The following ADGRE3 variants were observed in gnomAD, a reference collection of about 807,000 sequenced individuals.
ADGRE3 encodes adhesion G protein-coupled receptor E3.
A neutral mutation model predicts 80.1 loss-of-function variants in ADGRE3; 88 were observed. The observed-to-expected ratio is 1.10, with a 90% CI of 0.93 to 1.31. ADGRE3 has a LOEUF of 1.31. Among genes scored for constraint, ADGRE3 ranks in the 40% most tolerant of loss-of-function variants. The probability of loss-of-function intolerance (pLI) is 0.00; values close to 1 mark genes in which losing one functional copy is unlikely to be tolerated. For synonymous variants in ADGRE3, 281 were observed against 294.8 expected (o/e 0.95, Z 0.48); for missense variants, 715 against 776.5 (o/e 0.92, Z 0.94).
At chr19:14,633,540 A>C (rs183261689) in intron 11 of ADGRE3, among the ~76,000 whole-genome samples, 69 of 151,854 alleles carry the variant, frequency 4.5e-4, no homozygotes, top group African/African-American at 1.6e-3. Flanking sequence ...CCCCATCTCT[A>C]CTAAAAATAT....
At chr19:14,612,165 C>T in the ADGRE3 span, among the ~76,000 whole-genome samples, 4 of 152,136 alleles carry the variant, frequency 2.6e-5, no homozygotes, top group African/African-American at 4.8e-5. Flanking sequence ...GACTGGGTGG[C>T]TTCAGCAACA....
rs141701973 is a variant in ADGRE3 at position 14,639,490 on chromosome 19, G to A, written c.1249-1150C>T. ...TGCAATCATAGCTCACTGCAGCCTC[G>A]AACTCCTGGGTTCAAGCAATCTTCC... On this transcript the variant is annotated intron_variant, in intron 10 of 15. Coordinates refer to ENST00000253673, the MANE Select transcript of ADGRE3 (RefSeq NM_032571.5). Among the ~76,000 whole-genome samples, 1,456 of 151,744 alleles carry A rather than the reference G, an allele frequency of 9.6e-3. 20 individuals are homozygous for A. Among genetic ancestry groups the A allele is most frequent in the African/African-American group, 0.029 (1,205 of 41,372 alleles).
downstream of ADGRE3, among the ~76,000 whole-genome samples, chr19:14,614,679 C>G (rs2075065386): frequency 6.6e-6 from 1 of 150,690 alleles, no homozygotes; most frequent in South Asian, 2.1e-4. Flanking sequence ...TGGGTTCAAG[C>G]CATTCTTCTG....
At chr19:14,619,043 G>A (rs560275093), downstream of ADGRE3, 37 of 233,436 alleles carry the variant, frequency 1.6e-4, no homozygotes, top group East Asian at 6.6e-4. Flanking sequence ...TGAGGCTGCA[G>A]TGAGCTACGA....
rs757578330 is a variant in ADGRE3 at position 14,644,205 on chromosome 19, C to T, written c.953G>A (p.Arg318Lys). The change falls in exon 9 of 16, where the codon AGG (arginine) becomes AAG (lysine). Residue 318 changes from arginine to lysine, a missense_variant. Physicochemically the swap from Arg to Lys is conservative, Grantham distance 26. Coordinates refer to ENST00000253673, the MANE Select transcript of ADGRE3 (RefSeq NM_032571.5). ...CACGTGTATCAGGAAGCAGCCATCC[C>T]TGGACCACTGGCTGCCCTGCCCTGT... ...KSTGQGSQWS[R>K]DGCFLIHVNK... is the part of the protein sequence containing the mutation. The T allele has an allele frequency of 6.2e-7, 1 of 1,608,228 alleles. No homozygotes were observed.
chr19:14,633,381 C>G, intron 11 of ADGRE3, 79 bp from the exon 12 acceptor site: 2 of 1,080,006 alleles, frequency 1.9e-6, no homozygotes, highest in Non-Finnish European at 2.7e-6. Flanking sequence ...TCTTTTCCTA[C>G]CAGAGAATTG....
chr19:14,672,180 G>C (rs1394883383), intron 1 of ADGRE3, among the ~76,000 whole-genome samples: 1 of 152,112 alleles, frequency 6.6e-6, no homozygotes, highest in Non-Finnish European at 1.5e-5. Context: ...GCAGTCTGGG[G>C]GACCATCATG....
At chr19:14,655,566 A>G (rs562348554) in intron 5 of ADGRE3, among the ~76,000 whole-genome samples, 4 of 151,954 alleles carry the variant, frequency 2.6e-5, no homozygotes, top group African/African-American at 9.6e-5. Context: ...AGTGATTCTC[A>G]TGCTTCAGTC....
At chr19:14,619,742 TG>T (rs943807769) in intron 15 of ADGRE3, among the ~76,000 whole-genome samples, 3 of 152,208 alleles carry the variant, frequency 2.0e-5, no homozygotes, top group African/African-American at 7.2e-5. Context: ...GCCCCCTGGA[TG>T]TTTTTTTGTC....
intron 8 of ADGRE3, among the ~76,000 whole-genome samples, chr19:14,645,842 C>T (rs1476731168): frequency 6.6e-6 from 1 of 151,966 alleles, no homozygotes; most frequent in Non-Finnish European, 1.5e-5. Flanking sequence ...CGTGGTGGCA[C>T]ACACCTGTAG....
chr19:14,630,836 G>A (rs1332939927), intron 13 of ADGRE3, among the ~76,000 whole-genome samples: 1 of 152,108 alleles, frequency 6.6e-6, no homozygotes, highest in African/African-American at 2.4e-5. Context: ...CATGCATAAG[G>A]CATTTGAAAA....
intron 1 of ADGRE3, among the ~76,000 whole-genome samples, chr19:14,669,519 CT>C (rs1170286272): frequency 1.3e-5 from 2 of 152,090 alleles, no homozygotes; most frequent in Admixed American, 1.3e-4. Context: ...GACAGAGTCT[CT>C]TTCTGTCACT....
Position 14,619,297 on chromosome 19 carries a change from C to T in ADGRE3, c.*136G>A, listed in dbSNP as rs2482. On this transcript the variant is annotated 3_prime_UTR_variant, in exon 16 of 16. Transcript: ENST00000253673. ...AGAGCCTATTGTGGAGAACAAACAG[C>T]TTGGGAAGTAAAGGTTGATTACTTC... is the stretch of plus-strand genomic sequence containing the variant. 64,851 of 718,328 alleles carry T rather than the reference C, an allele frequency of 0.09. 3,287 individuals are homozygous for T. Among genetic ancestry groups the T allele is most frequent in the African/African-American group, 0.13 (7,402 of 56,664 alleles). 44.5% of individuals were successfully genotyped at this position (718,328 alleles called of 1,614,324 possible). A position where few individuals can be genotyped will look rare whatever the true frequency, so the allele number is the denominator to read the frequency against.
chr19:14,642,184 A>C (rs138737320), intron 9 of ADGRE3, among the ~76,000 whole-genome samples: 131 of 152,246 alleles, frequency 8.6e-4, no homozygotes, highest in African/African-American at 3.1e-3. Context: ...CTTAGATGGT[A>C]AATTTTATGT....
rs773449074 is a variant in ADGRE3, at chr19:14,636,054, TTCC to T, written c.1484+2048_1484+2050del. On this transcript the variant is annotated intron_variant, in intron 11 of 15. Coordinates refer to ENST00000253673, the MANE Select transcript of ADGRE3 (RefSeq NM_032571.5). The stretch of plus-strand genomic sequence containing the variant: ...CTTCCTTCCTTCCTTCCTTCCTTCC[TTCC>T]TTCCTTTCCTTTCCTTTCCTTTCCC... Among the ~76,000 whole-genome samples, 206 of 45,970 alleles carry T rather than the reference TTCC, an allele frequency of 4.5e-3. 18 individuals are homozygous for T. The highest frequency in any genetic ancestry group is 0.02 in the Middle Eastern group (2 of 102). The allele number at this position is 45,970 out of a possible 152,430, so 30.2% of individuals were successfully genotyped here.
chr19:14,646,648 CCT>C (rs1971407902), intron 8 of ADGRE3, among the ~76,000 whole-genome samples: 1 of 143,994 alleles, frequency 6.9e-6, no homozygotes. Flanking sequence ...CAGTCACTTC[CCT>C]CTCTCTCTTC....
At chr19:14,601,054 C>T in the ADGRE3 span, among the ~76,000 whole-genome samples, 2 of 152,030 alleles carry the variant, frequency 1.3e-5, no homozygotes, top group South Asian at 4.2e-4. Flanking sequence ...AGGCATGTGC[C>T]ACCACGCCTG....
At chr19:14,648,289 G>C (rs1016979091) in intron 7 of ADGRE3, among the ~76,000 whole-genome samples, 4 of 152,026 alleles carry the variant, frequency 2.6e-5, no homozygotes, top group Non-Finnish European at 4.4e-5. Context: ...TGTAAGCATC[G>C]GTGATTCTGC....
chr19:14,620,568 ATTTTTTTTTTTTTTTTTTT>A lies in ADGRE3; in HGVS notation c.1921-1116_1921-1098del, dbSNP rs1189295641. On this transcript the variant is annotated intron_variant, in intron 15 of 15. Coordinates refer to ENST00000253673, the MANE Select transcript of ADGRE3 (RefSeq NM_032571.5). ...ATATATTATATATATATATATATAT[ATTTTTTTTTTTTTTTTTTT>A]TTTTTTTTTTGAGACAGGGTTTTGC... Among the ~76,000 whole-genome samples the A allele has an allele frequency of 1.8e-3, 20 of 11,052 alleles. 2 individuals are homozygous for A. Among genetic ancestry groups the A allele is most frequent in the South Asian group, 7.5e-3 (2 of 268 alleles). The allele number at this position is 11,052 out of a possible 152,430, so 7.3% of individuals were successfully genotyped here. A position where few individuals can be genotyped will look rare whatever the true frequency, so the allele number is the denominator to read the frequency against.
Sources: gnomAD v4.1 joint callset for allele counts (sites outside exome capture counted in the v4.1 genomes callset) on GRCh38, gnomAD v4.1.1 for gene constraint, MANE v1.5 for transcripts, NCBI Gene and HGNC (gene_info 2026-07-23, HGNC 2026-07-21) for gene names.